Variants in SF3B1 observed in about 807,000 individuals in gnomAD.
SF3B1 encodes the protein pre-mRNA processing 10.
SF3B1 carries 12 observed loss-of-function variants against 153.8 expected under a neutral mutation model. That is an observed-to-expected ratio of 0.08 (90% CI 0.05 to 0.13). The LOEUF (loss-of-function observed/expected upper bound fraction) is 0.13, where lower values mean the gene tolerates loss of function less well. SF3B1 is among the 10% of genes least tolerant of loss of function. The probability of loss-of-function intolerance (pLI) is 1.00; values close to 1 mark genes in which losing one functional copy is unlikely to be tolerated. For missense variants in SF3B1, 513 were observed against 1,606.1 expected (o/e 0.32, Z 11.63); for synonymous variants, 498 against 525.2 (o/e 0.95, Z 0.71).
Position 197,405,453 on chromosome 2 carries a change from C to G in SF3B1, c.1259G>C (p.Gly420Ala), listed in dbSNP as rs2084979289. 1 of 1,612,438 alleles carries G rather than the reference C, an allele frequency of 6.2e-7. No individual in the cohort carries two copies. ...EGYKVLPPPA[G>A]YVPIRTPARK... ...AGCTGGAGTTCGAATAGGAACATAA[C>G]CAGCTGGAGGAGGAAGTACCTAATA... The change falls in exon 10 of 25, where the codon GGT (glycine) becomes GCT (alanine). Residue 420 changes from glycine to alanine, a missense_variant. By Grantham distance (60) the Gly-to-Ala change is moderately conservative. Transcript: ENST00000335508.
chr2:197,409,866 G>T lies in SF3B1; in HGVS notation c.808C>A (p.Arg270=), dbSNP rs2085043028. ...GTCGCATGGCCTGGTGTATCACCTC[G>T]TCCAGGAGTAGCAGCTCCCGCTGGT... is the stretch of plus-strand genomic sequence containing the variant. The part of the protein sequence containing the change: ...HTPAGAATPG[R]GDTPGHATPG... The change falls in exon 7 of 25, where the codon CGA becomes AGA. Residue 270 remains arginine, a synonymous_variant. Coordinates refer to ENST00000335508, the MANE Select transcript of SF3B1 (RefSeq NM_012433.4). The T allele has an allele frequency of 1.2e-6, 2 of 1,613,992 alleles. No individual in the cohort carries two copies. The highest frequency in any genetic ancestry group is 1.7e-6 in the Non-Finnish European group (2 of 1,180,028).
In SF3B1 at chr2:197,394,095, A is replaced by T. The variant is rs371004466; in HGVS notation, c.3540-907T>A. On this transcript the variant is annotated intron_variant, in intron 23 of 24. Transcript: ENST00000335508. Reference sequence around the variant, plus strand: ...GCTACTCAGGAGGCTGAGGCAGGAGAATCACTTGAACCTGGGGGGTGGAGG... The same window carrying T: ...GCTACTCAGGAGGCTGAGGCAGGAGTATCACTTGAACCTGGGGGGTGGAGG... 2.4e-4 allele frequency among the ~76,000 whole-genome samples: 36 copies of T among 152,156 alleles called. No individual in the cohort carries two copies. The East Asian group carries it at 6.4e-3, about 27-fold the overall frequency.
At chr2:197,409,666 C>G (rs558875330) in intron 7 of SF3B1, 104 bp downstream of exon 7, 7 of 882,364 alleles carry the variant, frequency 7.9e-6, no homozygotes, top group African/African-American at 1.7e-5. Flanking sequence ...CCAAAAGCAG[C>G]TGGTTATTTA....
At chr2:197,405,254 A>T in intron 10 of SF3B1, 21 bp downstream of exon 10, 1 of 1,598,812 alleles carries the variant, frequency 6.3e-7, no homozygotes, top group Non-Finnish European at 8.6e-7. Context: ...TTAATAGTTT[A>T]TTTCTGCTAG....
chr2:197,390,667 CTA>C lies in SF3B1; in HGVS notation c.*1634_*1635del, dbSNP rs1257520114. On this transcript the variant is annotated 3_prime_UTR_variant, in exon 25 of 25. Coordinates refer to ENST00000335508, the MANE Select transcript of SF3B1 (RefSeq NM_012433.4). ...TCGCCCAGGCTGGAGTGTAGCAGCG[CTA>C]TCTCGGCTCACTGCAAGCTCCGCCT... The C allele has an allele frequency of 6.6e-6, 1 of 150,776 alleles. No individual in the cohort carries two copies. The highest frequency in any genetic ancestry group is 2.4e-5 in the African/African-American group (1 of 40,882). The allele number at this position is 150,776 out of a possible 1,614,324, so 9.3% of individuals were successfully genotyped here.
At chr2:197,397,868 T>A in intron 22 of SF3B1, 117 bp downstream of exon 22, 1 of 616,522 alleles carries the variant, frequency 1.6e-6, no homozygotes, top group Non-Finnish European at 2.7e-6. Flanking sequence ...AAGAGCTTTC[T>A]CAACTGCATT....
At chr2:197,431,279 G>A (rs1453335535) in intron 1 of SF3B1, among the ~76,000 whole-genome samples, 5 of 151,680 alleles carry the variant, frequency 3.3e-5, no homozygotes, top group Non-Finnish European at 5.9e-5. Flanking sequence ...CACCATGCCC[G>A]GTTAATTTTT....
intron 6 of SF3B1, among the ~76,000 whole-genome samples, chr2:197,415,891 C>T (rs1161268652): frequency 2.0e-5 from 3 of 152,072 alleles, no homozygotes; most frequent in Non-Finnish European, 1.5e-5. Context: ...CCTCTACCTC[C>T]GGGGATCAAG....
rs1352116876 is a variant in SF3B1, at chr2:197,392,328, C to T, written c.3890G>A (p.Arg1297His). 1.0e-5 allele frequency: 13 copies of T among 1,278,172 alleles called. No individual in the cohort carries two copies. Among genetic ancestry groups the T allele is most frequent in the Non-Finnish European group, 1.4e-5 (12 of 878,614 alleles). The allele number at this position is 1,278,172 out of a possible 1,614,324, so 79.2% of individuals were successfully genotyped here. ...IYNDDKNTYI[R>H]YELDYIL ...TTATAAGATATAGTCAAGTTCATAA[C>T]GAATATAGGTGTTCTTATCATCGTT... Residue 1297 changes from arginine to histidine, a missense_variant, in exon 25 of 25, where the codon CGT (arginine) becomes CAT (histidine). By Grantham distance (29) the Arg-to-His change is conservative. Around this residue, in one of 21 missense-constraint regions of SF3B1, gnomAD observed 33 missense variants for 43.5 expected, o/e 0.76. Transcript: ENST00000335508.
At position 197,427,147 on chromosome 2, in the gene SF3B1, T is replaced by C. The variant is rs182194008; in HGVS notation, c.29-3173A>G. Among the ~76,000 whole-genome samples, 4 of 152,322 alleles carry C rather than the reference T, an allele frequency of 2.6e-5. No homozygotes were observed. In the East Asian group the frequency reaches 5.8e-4, roughly 22 times the overall value. On this transcript the variant is annotated intron_variant, in intron 1 of 24. Transcript: ENST00000335508. ...TGAAATAGTGTTGGTATGAAATCTA[T>C]GTAAATCATGACTAGGTTCTTATTA...
At chr2:197,430,598 C>T (rs551616499) in intron 1 of SF3B1, among the ~76,000 whole-genome samples, 126 of 152,288 alleles carry the variant, frequency 8.3e-4, no homozygotes, top group African/African-American at 2.9e-3. Flanking sequence ...GGATTACAGG[C>T]ACGCACCACC....
At chr2:197,397,397 C>A (rs1187240259) in intron 22 of SF3B1, among the ~76,000 whole-genome samples, 5 of 152,222 alleles carry the variant, frequency 3.3e-5, no homozygotes, top group South Asian at 2.1e-4. Flanking sequence ...AGAAGACCAG[C>A]ACACATTTTA....
intron 6 of SF3B1, among the ~76,000 whole-genome samples, chr2:197,412,107 CAAAA>C (rs397987243): frequency 4.9e-5 from 4 of 81,702 alleles, no homozygotes; most frequent in Admixed American, 1.2e-4. Context: ...GACTCTGTCT[CAAAA>C]AAAAAAAAAA....
At chr2:197,418,442 A>G (rs1574545936) in intron 5 of SF3B1, 67 bp downstream of exon 5, 1 of 1,181,940 alleles carries the variant, frequency 8.5e-7, no homozygotes, top group East Asian at 2.4e-5. Context: ...GAAACCTAAC[A>G]GTCTCTCAAT....
intron 1 of SF3B1, among the ~76,000 whole-genome samples, chr2:197,432,603 C>G (rs1319728164): frequency 6.6e-6 from 1 of 152,216 alleles, no homozygotes; most frequent in Admixed American, 6.5e-5. Flanking sequence ...GGCATGGTGG[C>G]TCATGCCAGT....
chr2:197,420,263 G>C (rs575215128), intron 4 of SF3B1, 165 bp downstream of exon 4: 3 of 498,668 alleles, frequency 6.0e-6, no homozygotes, highest in South Asian at 7.8e-5. Context: ...TAAAGATGAA[G>C]AATATGGCAT....
intron 1 of SF3B1, among the ~76,000 whole-genome samples, chr2:197,427,569 C>T (rs2085354294): frequency 6.6e-6 from 1 of 152,044 alleles, no homozygotes. Flanking sequence ...CCATGACATT[C>T]ATAAATAAGG....
chr2:197,420,016 A>C, intron 4 of SF3B1: 1 of 230,150 alleles, frequency 4.3e-6, no homozygotes, highest in East Asian at 6.5e-5. Context: ...TTAGAGCACT[A>C]TGGGGGGAGC....
intron 6 of SF3B1, among the ~76,000 whole-genome samples, chr2:197,411,085 G>A (rs756198521): frequency 6.6e-6 from 1 of 152,074 alleles, no homozygotes; most frequent in Non-Finnish European, 1.5e-5. Flanking sequence ...CTACATACAG[G>A]CGCACACCAC....
Sources: allele counts gnomAD v4.1 joint callset (sites outside exome capture counted in the v4.1 genomes callset), GRCh38; gene constraint gnomAD v4.1.1; regional missense constraint gnomAD v4.1.1; transcripts MANE v1.5; gene names NCBI Gene and HGNC (gene_info 2026-07-23, HGNC 2026-07-21).